Variants in PRRC2B observed in about 807,000 individuals in gnomAD.
PRRC2B encodes proline rich coiled-coil 2B.
In PRRC2B, 68 loss-of-function variants were observed where a neutral mutation model predicts 242.3. That is an observed-to-expected ratio of 0.28 (90% CI 0.23 to 0.34). PRRC2B has a LOEUF of 0.34. Among genes scored for constraint, PRRC2B ranks in the 10% least tolerant of loss-of-function variants. The probability of loss-of-function intolerance (pLI) is 1.00; values close to 1 mark genes in which losing one functional copy is unlikely to be tolerated. For synonymous variants in PRRC2B, 1,228 were observed against 1,173.6 expected (o/e 1.05, Z -0.95); for missense variants, 2,835 against 2,954.8 (o/e 0.96, Z 0.94).
chr9:131,423,811 G>A (rs1203900391), intron 1 of PRRC2B, among the ~76,000 whole-genome samples: 10 of 152,326 alleles, frequency 6.6e-5, no homozygotes, highest in African/African-American at 2.2e-4. Flanking sequence ...CGTAGGGGCT[G>A]CTTTCATTCA....
At chr9:131,473,171 T>C (rs1272931168) in intron 14 of PRRC2B, among the ~76,000 whole-genome samples, 2 of 152,188 alleles carry the variant, frequency 1.3e-5, no homozygotes, top group African/African-American at 4.8e-5. Flanking sequence ...TTTGGGTCTT[T>C]GTTTTAAACA....
chr9:131,463,941 C>CTT lies in PRRC2B; in HGVS notation c.1405-809_1405-808dup, dbSNP rs112198206. Among the ~76,000 whole-genome samples the CTT allele has an allele frequency of 9.2e-3, 1,289 of 140,668 alleles. 26 individuals are homozygous for CTT. The highest frequency in any genetic ancestry group is 0.032 in the African/African-American group (1,214 of 38,114). 92.3% of individuals were successfully genotyped at this position (140,668 alleles called of 152,430 possible). A position where few individuals can be genotyped will look rare whatever the true frequency, so the allele number is the denominator to read the frequency against. On this transcript the variant is annotated intron_variant, in intron 11 of 31. Coordinates refer to ENST00000683519, the MANE Select transcript of PRRC2B (RefSeq NM_013318.4). Reference sequence around the variant, plus strand: ...AGCTACCGTGCCTTTGCTAGACATGCTTTTTTTTTTTTTTCCCCCAGATGG... The same window carrying CTT: ...AGCTACCGTGCCTTTGCTAGACATGCTTTTTTTTTTTTTTTTCCCCCAGATGG...
At chr9:131,396,229 C>T (rs1837051536) in intron 1 of PRRC2B, among the ~76,000 whole-genome samples, 1 of 151,740 alleles carries the variant, frequency 6.6e-6, no homozygotes, top group South Asian at 2.1e-4. Context: ...TTTCTGGTTC[C>T]TTTCTCCTTC....
chr9:131,426,551 G>A (rs1442249643), intron 1 of PRRC2B, among the ~76,000 whole-genome samples: 1 of 152,038 alleles, frequency 6.6e-6, no homozygotes, highest in African/African-American at 2.4e-5. Context: ...CCTCAGGGAG[G>A]GAGATTTAAA....
rs543979419 is a variant in PRRC2B at position 131,385,733 on chromosome 9, G to A, written c.-56+12002G>A. ...TTTTGAGGCGGAGTCTCGCCTTGTC[G>A]CCCAGGCTGGAGTGCAGTGGTGTGA... is the stretch of plus-strand genomic sequence containing the variant. On this transcript the variant is annotated intron_variant, in intron 1 of 1. Transcript: ENST00000682525. Among the ~76,000 whole-genome samples, 12 of 150,424 alleles carry A rather than the reference G, an allele frequency of 8.0e-5. 1 individual carries two copies. Among genetic ancestry groups the A allele is most frequent in the Admixed American group, 6.2e-4 (9 of 14,486 alleles).
At chr9:131,417,082 T>G (rs1403965239) in intron 1 of PRRC2B, among the ~76,000 whole-genome samples, 4 of 152,170 alleles carry the variant, frequency 2.6e-5, no homozygotes, top group African/African-American at 7.2e-5. Context: ...GCATGGACTC[T>G]TCAGAGTGGG....
intron 10 of PRRC2B, among the ~76,000 whole-genome samples, chr9:131,456,288 T>C (rs1030858419): frequency 6.6e-6 from 1 of 151,684 alleles, no homozygotes; most frequent in Non-Finnish European, 1.5e-5. Flanking sequence ...AATACTGCAT[T>C]GTACTCTCAT....
At chr9:131,489,345 C>T (rs189664683) in intron 28 of PRRC2B, among the ~76,000 whole-genome samples, 73 of 152,050 alleles carry the variant, frequency 4.8e-4, no homozygotes, top group African/African-American at 1.5e-3. Flanking sequence ...CACCACCCAC[C>T]GGCTAATTTT....
upstream of PRRC2B, among the ~76,000 whole-genome samples, chr9:131,389,641 A>T (rs1485393837): frequency 6.7e-6 from 1 of 150,272 alleles, no homozygotes; most frequent in Non-Finnish European, 1.5e-5. Context: ...GCTTTAGTGC[A>T]TGTGCTTATT....
chr9:131,405,948 C>T (rs1267348520), intron 1 of PRRC2B, among the ~76,000 whole-genome samples: 1 of 152,174 alleles, frequency 6.6e-6, no homozygotes, highest in African/African-American at 2.4e-5. Flanking sequence ...TTCTCTTCCT[C>T]TGCAAAATGT....
chr9:131,479,199 T>G, intron 18 of PRRC2B, 53 bp from the exon 19 acceptor site: 1 of 1,583,760 alleles, frequency 6.3e-7, no homozygotes, highest in Non-Finnish European at 8.6e-7. Flanking sequence ...CTGGGGAGAA[T>G]TTGTCAGTCT....
chr9:131,484,633 A>C lies in PRRC2B; in HGVS notation c.5461-53A>C, dbSNP rs1943963447. On this transcript the variant is annotated intron_variant, in intron 23 of 31. Coordinates refer to ENST00000683519, the MANE Select transcript of PRRC2B (RefSeq NM_013318.4). Reference sequence around the variant, plus strand: ...GGAGAGCCATGGATGGGTTTGGGCAAAGCCATCTCTGCACCTGTTTGTGTT... The same window carrying C: ...GGAGAGCCATGGATGGGTTTGGGCACAGCCATCTCTGCACCTGTTTGTGTT... 4 of 1,467,822 alleles carry C rather than the reference A, an allele frequency of 2.7e-6. No homozygotes were observed. The Admixed American group carries it at 7.9e-5, about 29-fold the overall frequency. The allele number at this position is 1,467,822 out of a possible 1,614,324, so 90.9% of individuals were successfully genotyped here.
chr9:131,459,663 C>G (rs948575581), intron 11 of PRRC2B, among the ~76,000 whole-genome samples: 13 of 151,906 alleles, frequency 8.6e-5, no homozygotes, highest in African/African-American at 2.9e-4. Context: ...CCTCAGCCTC[C>G]TGAGTAGCTG....
In PRRC2B at chr9:131,478,499, C is replaced by A; in HGVS notation, c.4638C>A (p.Ser1546=). Residue 1546 remains serine, a synonymous_variant, in exon 18 of 32, where the codon TCC becomes TCA. Transcript: ENST00000683519. ...YGSAIIENCG[S]SPGEESEVGS... ...GTGCCATCATTGAAAATTGCGGGTC[C>A]AGCCCCGGGGAGGAGAGTGAGGTGG... 2 of 1,613,532 alleles carry A rather than the reference C, an allele frequency of 1.2e-6. No homozygotes were observed. Among genetic ancestry groups the A allele is most frequent in the Non-Finnish European group, 8.5e-7 (1 of 1,179,608 alleles).
chr9:131,468,506 T>C (rs898453267), intron 13 of PRRC2B, among the ~76,000 whole-genome samples: 1 of 152,230 alleles, frequency 6.6e-6, no homozygotes, highest in Admixed American at 6.5e-5. Flanking sequence ...CTAAAGATCA[T>C]GTGGATAATG....
chr9:131,491,145 G>A (rs1944182229), intron 28 of PRRC2B: 4 of 400,070 alleles, frequency 1.0e-5, no homozygotes, highest in Middle Eastern at 6.3e-4. Context: ...CACACTTAAC[G>A]CTGTTAGTTC....
intron 1 of PRRC2B, among the ~76,000 whole-genome samples, chr9:131,406,882 C>T (rs978078552): frequency 6.6e-6 from 1 of 152,192 alleles, no homozygotes; most frequent in African/African-American, 2.4e-5. Context: ...TTCTTCCCTG[C>T]TGTTTCTTTA....
At chr9:131,474,236 G>A (rs1435489323) in intron 15 of PRRC2B, among the ~76,000 whole-genome samples, 2 of 152,162 alleles carry the variant, frequency 1.3e-5, no homozygotes, top group Non-Finnish European at 2.9e-5. Flanking sequence ...CCAATTCATG[G>A]CCTGGCATTT....
In PRRC2B at chr9:131,464,813, G is replaced by C. The variant is rs756930239; in HGVS notation, c.1455G>C (p.Glu485Asp). The C allele has an allele frequency of 3.5e-5, 57 of 1,612,758 alleles. No individual in the cohort carries two copies. In the Admixed American group the frequency reaches 9.3e-4, roughly 26 times the overall value. ...GGCAACAGTCCATCGAGGACAAGGA[G>C]GACAAGCCCCCACCAAGGCAGAAGT... ...MFRQQSIEDK[E>D]DKPPPRQKFI... The change falls in exon 12 of 32, where the codon GAG becomes GAC. Residue 485 changes from glutamate to aspartate, a missense_variant. Physicochemically the swap from Glu to Asp is conservative, Grantham distance 45 (BLOSUM62 2). Coordinates refer to ENST00000683519, the MANE Select transcript of PRRC2B (RefSeq NM_013318.4).
Sources: gnomAD v4.1 joint callset for allele counts (sites outside exome capture counted in the v4.1 genomes callset) on GRCh38, gnomAD v4.1.1 for gene constraint, MANE v1.5 for transcripts, NCBI Gene and HGNC (gene_info 2026-07-23, HGNC 2026-07-21) for gene names.